MAGI3: variants seen among roughly 807,000 people sequenced by gnomAD.
MAGI3 encodes membrane associated guanylate kinase, WW and PDZ domain containing 3.
In MAGI3, 43 loss-of-function variants were observed where a neutral mutation model predicts 121.8. The observed-to-expected ratio is 0.35, with a 90% CI of 0.28 to 0.46. The LOEUF is 0.46. MAGI3 is among the 20% of genes least tolerant of loss of function. The pLI is 1.00. For synonymous variants in MAGI3, 553 were observed against 639.3 expected (o/e 0.86, Z 2.04); for missense variants, 1,547 against 1,797.3 (o/e 0.86, Z 2.52).
chr1:113,623,030 A>C lies in MAGI3; in HGVS notation c.1360+36A>C, dbSNP rs753751910. On this transcript the variant is annotated intron_variant, in intron 9 of 20. Coordinates refer to ENST00000307546, the MANE Select transcript of MAGI3 (RefSeq NM_001142782.2). ...TTTCATAATTATTTGAAGAGTAGTG[A>C]TACTATAACAAAAATTATAGTGAAG... The C allele has an allele frequency of 3.9e-5, 53 of 1,363,682 alleles. 1 individual carries two copies. The Middle Eastern group carries it at 2.1e-3, about 53-fold the overall frequency. The allele number at this position is 1,363,682 out of a possible 1,614,324, so 84.5% of individuals were successfully genotyped here.
chr1:113,414,231 G>T (rs1222540588), intron 1 of MAGI3, among the ~76,000 whole-genome samples: 1 of 152,088 alleles, frequency 6.6e-6, no homozygotes, highest in Non-Finnish European at 1.5e-5. Context: ...ATGAAGCCAA[G>T]TTGATTGTGG....
chr1:113,593,064 A>G (rs974923978), intron 5 of MAGI3, among the ~76,000 whole-genome samples: 1 of 152,146 alleles, frequency 6.6e-6, no homozygotes, highest in Non-Finnish European at 1.5e-5. Context: ...ACCAGCTAGT[A>G]TTATACCTGG....
In MAGI3 at chr1:113,671,875, T is replaced by C. The variant is rs778196604; in HGVS notation, c.2918+39T>C. On this transcript the variant is annotated intron_variant, in intron 17 of 20. Transcript: ENST00000307546. Reference sequence around the variant, plus strand: ...CAGGTTTTTGTTTTTGTTTTTTTCTTATTCTCTCCTTATTGCTCTGCTGTT... The same window carrying C: ...CAGGTTTTTGTTTTTGTTTTTTTCTCATTCTCTCCTTATTGCTCTGCTGTT... 3.2e-6 allele frequency: 5 copies of C among 1,554,580 alleles called. No individual in the cohort carries two copies. In the South Asian group the frequency reaches 5.6e-5, roughly 17 times the overall value.
chr1:113,610,630 G>A (rs188128596), intron 6 of MAGI3, among the ~76,000 whole-genome samples: 5 of 152,076 alleles, frequency 3.3e-5, no homozygotes, highest in South Asian at 4.2e-4. Context: ...TGTCATCCTC[G>A]CCTTTCCCTC....
rs370909744 is a variant in MAGI3 at position 113,636,478 on chromosome 1, G to A, written c.1361-5433G>A. On this transcript the variant is annotated intron_variant, in intron 9 of 20. Coordinates refer to ENST00000307546, the MANE Select transcript of MAGI3 (RefSeq NM_001142782.2). ...ACATCTTTATTTCTGTCTTCATTTC[G>A]TTATGTACCCAGTAGTCATTCAGGA... Among the ~76,000 whole-genome samples the A allele has an allele frequency of 3.3e-5, 5 of 152,190 alleles. No homozygotes were observed. In the South Asian group the frequency reaches 6.2e-4, roughly 19 times the overall value.
chr1:113,393,603 T>G (rs1283267669), intron 1 of MAGI3, among the ~76,000 whole-genome samples: 1 of 152,322 alleles, frequency 6.6e-6, no homozygotes, highest in South Asian at 2.1e-4. Context: ...ATAGCAAGAT[T>G]TTTGCAGGTT....
intron 19 of MAGI3, among the ~76,000 whole-genome samples, chr1:113,674,840 C>T (rs1481112363): frequency 6.6e-6 from 1 of 152,128 alleles, no homozygotes; most frequent in East Asian, 1.9e-4. Context: ...CAGACACATG[C>T]ACAAGTTCAA....
chr1:113,571,986 AT>A (rs1647323524), intron 2 of MAGI3, among the ~76,000 whole-genome samples: 1 of 152,208 alleles, frequency 6.6e-6, no homozygotes, highest in Non-Finnish European at 1.5e-5. Context: ...TTCAAAGAGA[AT>A]GCTTCCAGCT....
chr1:113,596,042 A>G (rs2101743907), intron 6 of MAGI3, among the ~76,000 whole-genome samples: 1 of 93,066 alleles, frequency 1.1e-5, no homozygotes, highest in South Asian at 3.5e-4. Flanking sequence ...AAATACTAAT[A>G]CTAATACTAA....
intron 1 of MAGI3, among the ~76,000 whole-genome samples, chr1:113,413,303 A>G (rs930296202): frequency 6.6e-6 from 1 of 152,166 alleles, no homozygotes; most frequent in Non-Finnish European, 1.5e-5. Context: ...GTTTGAAGTC[A>G]GGTAGTGTGA....
At chr1:113,669,184 ACTCTATACTGGGCAGT>A (rs1647366981) in intron 16 of MAGI3, among the ~76,000 whole-genome samples, 1 of 152,232 alleles carries the variant, frequency 6.6e-6, no homozygotes, top group Non-Finnish European at 1.5e-5. Flanking sequence ...AGACAATCGA[ACTCTATACTGGGCAGT>A]AAAGTTTAGA....
intron 17 of MAGI3, among the ~76,000 whole-genome samples, chr1:113,672,306 C>A (rs919039993): frequency 1.3e-5 from 2 of 152,182 alleles, no homozygotes; most frequent in African/African-American, 4.8e-5. Context: ...AGCCATTTTT[C>A]ACTGTGACAG....
chr1:113,469,821 A>G (rs1330488951), intron 1 of MAGI3, among the ~76,000 whole-genome samples: 1 of 152,202 alleles, frequency 6.6e-6, no homozygotes, highest in Non-Finnish European at 1.5e-5. Context: ...TTTCCCACAG[A>G]AAGTTTTATT....
At chr1:113,539,677 A>C (rs187400363) in intron 1 of MAGI3, among the ~76,000 whole-genome samples, 63 of 152,072 alleles carry the variant, frequency 4.1e-4, no homozygotes, top group South Asian at 2.5e-3. Flanking sequence ...ATTTGCATAT[A>C]TTCAGTTATG....
At chr1:113,558,752 A>G (rs1391846714) in intron 2 of MAGI3, among the ~76,000 whole-genome samples, 1 of 152,184 alleles carries the variant, frequency 6.6e-6, no homozygotes, top group Non-Finnish European at 1.5e-5. Context: ...CATCCCCAAG[A>G]CAATTCATAA....
chr1:113,623,649 G>A (rs1651022474), intron 9 of MAGI3, among the ~76,000 whole-genome samples: 1 of 151,844 alleles, frequency 6.6e-6, no homozygotes, highest in Non-Finnish European at 1.5e-5. Flanking sequence ...CACCACGCCT[G>A]GCTAATTTTT....
At chr1:113,512,379 A>G (rs140964006) in intron 1 of MAGI3, among the ~76,000 whole-genome samples, 25 of 152,340 alleles carry the variant, frequency 1.6e-4, no homozygotes, top group African/African-American at 5.8e-4. Context: ...AAAGATCTAA[A>G]TATTTTGGAG....
At chr1:113,607,074 T>C (rs76112502) in intron 6 of MAGI3, among the ~76,000 whole-genome samples, 15,801 of 152,238 alleles carry the variant, frequency 0.1, 1,050 homozygotes, top group East Asian at 0.19. Context: ...TTCTTGGTCT[T>C]TCTTCCTCCA....
chr1:113,562,221 C>T (rs186535674), intron 2 of MAGI3, among the ~76,000 whole-genome samples: 1 of 152,164 alleles, frequency 6.6e-6, no homozygotes, highest in East Asian at 1.9e-4. Flanking sequence ...CTGGCTAACA[C>T]GGTGAAACCC....
Sources: allele counts gnomAD v4.1 joint callset (sites outside exome capture counted in the v4.1 genomes callset), GRCh38; gene constraint gnomAD v4.1.1; transcripts MANE v1.5; gene names NCBI Gene and HGNC (gene_info 2026-07-23, HGNC 2026-07-21).